The following GRIK2 variants were observed in gnomAD, a reference collection of about 807,000 sequenced individuals.
The protein encoded by GRIK2 is glutamate ionotropic receptor kainate type subunit 2, also known as glutamate receptor ionotropic, kainate 2.
A neutral mutation model predicts 100.3 loss-of-function variants in GRIK2; 32 were observed. The observed-to-expected ratio is 0.32, with a 90% CI of 0.24 to 0.43. The LOEUF is 0.43. Among genes scored for constraint, GRIK2 ranks in the 20% least tolerant of loss-of-function variants. GRIK2 has a pLI of 1.00. For missense variants in GRIK2, 843 were observed against 1,114.9 expected (o/e 0.76, Z 3.47); for synonymous variants, 417 against 389.4 (o/e 1.07, Z -0.83).
At chr6:102,023,723 T>C (rs145711740) in intron 14 of GRIK2, among the ~76,000 whole-genome samples, 314 of 151,628 alleles carry the variant, frequency 2.1e-3, no homozygotes, top group Non-Finnish European at 3.5e-3. Flanking sequence ...AGTACCACTT[T>C]TTCCAGCAAT....
chr6:101,806,013 A>T (rs1780982681), intron 9 of GRIK2, among the ~76,000 whole-genome samples: 1 of 152,024 alleles, frequency 6.6e-6, no homozygotes, highest in Non-Finnish European at 1.5e-5. Context: ...ATTATAACAG[A>T]AGCCTTAATT....
intron 11 of GRIK2, among the ~76,000 whole-genome samples, chr6:101,879,995 T>G (rs1786135108): frequency 6.6e-6 from 1 of 152,002 alleles, no homozygotes; most frequent in Non-Finnish European, 1.5e-5. Flanking sequence ...GGGCCCTAGA[T>G]TCATATGGCT....
At chr6:102,042,203 T>C (rs760269016) in intron 15 of GRIK2, among the ~76,000 whole-genome samples, 24 of 151,612 alleles carry the variant, frequency 1.6e-4, no homozygotes, top group Non-Finnish European at 3.0e-4. Flanking sequence ...TCTAAAGACA[T>C]GTTTAGTAAA....
intron 7 of GRIK2, among the ~76,000 whole-genome samples, chr6:101,732,316 G>A (rs1006679228): frequency 9.9e-5 from 15 of 151,908 alleles, no homozygotes; most frequent in African/African-American, 1.4e-4. Flanking sequence ...CCTGGGTAGA[G>A]GAAATGATAT....
intron 2 of GRIK2, among the ~76,000 whole-genome samples, chr6:101,618,512 C>T (rs1260058973): frequency 6.6e-6 from 1 of 151,526 alleles, no homozygotes; most frequent in African/African-American, 2.4e-5. Context: ...TTATACTTAC[C>T]ATACACTTTA....
intron 7 of GRIK2, among the ~76,000 whole-genome samples, chr6:101,770,154 G>A (rs1023700570): frequency 2.6e-5 from 4 of 152,118 alleles, no homozygotes; most frequent in African/African-American, 9.7e-5. Flanking sequence ...CCTTTCACAA[G>A]TCTATCGTTA....
intron 2 of GRIK2, among the ~76,000 whole-genome samples, chr6:101,524,093 GTGT>G (rs1443464297): frequency 2.0e-5 from 3 of 152,096 alleles, no homozygotes. Flanking sequence ...TTTGATAATG[GTGT>G]TTATTGTTTC....
chr6:101,716,605 TG>T (rs1371870016), intron 7 of GRIK2, among the ~76,000 whole-genome samples: 2 of 80,666 alleles, frequency 2.5e-5, no homozygotes, highest in Non-Finnish European at 4.5e-5. Context: ...TGTCCTGGGG[TG>T]GGGGGAGGGG....
At chr6:101,741,783 T>A in intron 7 of GRIK2, among the ~76,000 whole-genome samples, 1 of 152,212 alleles carries the variant, frequency 6.6e-6, no homozygotes, top group East Asian at 1.9e-4. Flanking sequence ...TTGAAAATAA[T>A]CTTTATGCTA....
intron 2 of GRIK2, among the ~76,000 whole-genome samples, chr6:101,462,129 T>C (rs1057440784): frequency 5.3e-5 from 8 of 152,164 alleles, no homozygotes; most frequent in African/African-American, 1.9e-4. Context: ...AATGTTAATA[T>C]GTTAATGTGT....
In GRIK2 at chr6:102,000,741, C is replaced by T. The variant is rs964014550; in HGVS notation, c.2086-34600C>T. 9.2e-5 allele frequency among the ~76,000 whole-genome samples: 14 copies of T among 152,016 alleles called. 1 individual carries two copies. The highest frequency in any genetic ancestry group is 2.1e-4 in the South Asian group (1 of 4,828). ...TAAAATCTACAATGGTGTCACTTCT[C>T]GCATTCCTGCTACTGGTAATTTGTG... is the stretch of plus-strand genomic sequence containing the variant. On this transcript the variant is annotated intron_variant, in intron 14 of 16. Coordinates refer to ENST00000369134, the MANE Select transcript of GRIK2 (RefSeq NM_021956.5).
chr6:101,529,999 T>A (rs1042728744), intron 2 of GRIK2, among the ~76,000 whole-genome samples: 1 of 152,088 alleles, frequency 6.6e-6, no homozygotes, highest in African/African-American at 2.4e-5. Flanking sequence ...GCCAGTATAA[T>A]GTATACACTG....
At chr6:101,840,359 C>T (rs1783415576) in intron 10 of GRIK2, among the ~76,000 whole-genome samples, 1 of 152,276 alleles carries the variant, frequency 6.6e-6, no homozygotes, top group Non-Finnish European at 1.5e-5. Context: ...ATCGGATTCC[C>T]AGGTCCTGAT....
chr6:101,779,716 G>T (rs1778966739), intron 7 of GRIK2, among the ~76,000 whole-genome samples: 2 of 152,070 alleles, frequency 1.3e-5, no homozygotes, highest in East Asian at 3.9e-4. Flanking sequence ...TCTTTCTGCT[G>T]CACTATACCC....
chr6:101,625,836 T>G (rs1233097538), intron 3 of GRIK2, among the ~76,000 whole-genome samples: 1 of 152,188 alleles, frequency 6.6e-6, no homozygotes, highest in Non-Finnish European at 1.5e-5. Flanking sequence ...GTGTGACTGA[T>G]CCATATGAAA....
intron 7 of GRIK2, among the ~76,000 whole-genome samples, chr6:101,795,809 G>C (rs1449433411): frequency 6.6e-6 from 1 of 152,202 alleles, no homozygotes. Context: ...CCTGCCCTTA[G>C]TGTCCCCTGA....
intron 16 of GRIK2, among the ~76,000 whole-genome samples, chr6:102,062,025 AT>A (rs35074221): frequency 8.8e-4 from 128 of 146,202 alleles, no homozygotes; most frequent in Non-Finnish European, 1.2e-3. Context: ...GTCAGACCTT[AT>A]TTTTTTTTTT....
At chr6:101,646,924 G>A (rs1781551372) in intron 4 of GRIK2, among the ~76,000 whole-genome samples, 1 of 151,934 alleles carries the variant, frequency 6.6e-6, no homozygotes, top group African/African-American at 2.4e-5. Flanking sequence ...TAAAACATGA[G>A]AGGTAAACAT....
chr6:101,524,649 G>C (rs1364789642), intron 2 of GRIK2, among the ~76,000 whole-genome samples: 2 of 151,454 alleles, frequency 1.3e-5, no homozygotes, highest in African/African-American at 4.9e-5. Context: ...TGATCACCTT[G>C]CTCCACAATA....
Sources: gnomAD v4.1 joint callset for allele counts (sites outside exome capture counted in the v4.1 genomes callset) on GRCh38, gnomAD v4.1.1 for gene constraint, MANE v1.5 for transcripts, NCBI Gene and HGNC (gene_info 2026-07-23, HGNC 2026-07-21) for gene names.